The following ATP2A2 variants were observed in gnomAD, a reference collection of about 807,000 sequenced individuals.
ATP2A2 encodes ATPase sarcoplasmic/endoplasmic reticulum Ca2+ transporting 2, also known as sarcoplasmic/endoplasmic reticulum calcium ATPase 2.
A neutral mutation model predicts 109.3 loss-of-function variants in ATP2A2; 14 were observed. That is an observed-to-expected ratio of 0.13 (90% CI 0.08 to 0.20). The LOEUF (loss-of-function observed/expected upper bound fraction) is 0.20, where lower values mean the gene tolerates loss of function less well. ATP2A2 is among the 10% of genes least tolerant of loss of function. ATP2A2 has a pLI of 1.00. For synonymous variants in ATP2A2, 506 were observed against 490.9 expected, an observed-to-expected ratio of 1.03 and a Z score of -0.41; for missense variants, 657 against 1,321.6, an observed-to-expected ratio of 0.50 and a Z score of 7.80.
In ATP2A2 at chr12:110,345,283, A is replaced by C. The variant is rs1179789079; in HGVS notation, c.2642A>C (p.Asp881Ala). 2.5e-6 allele frequency: 4 copies of C among 1,614,034 alleles called. No homozygotes were observed. Among genetic ancestry groups the C allele is most frequent in the Non-Finnish European group, 3.4e-6 (4 of 1,180,032 alleles). Residue 881 changes from aspartate to alanine, a missense_variant, in exon 18 of 20, where the codon GAC becomes GCC. By Grantham distance (126) the Asp-to-Ala change is moderately radical. Coordinates refer to ENST00000539276, the MANE Select transcript of ATP2A2 (RefSeq NM_170665.4). ...CTACAGTGTAAAGAGGACAACCCGG[A>C]CTTTGAAGGCGTGGATTGTGCAATC... ...HFLQCKEDNP[D>A]FEGVDCAIFE... is the part of the protein sequence containing the mutation.
At chr12:110,280,693 G>T (rs1244263609), upstream of ATP2A2, 2 of 152,378 alleles carry the variant, frequency 1.3e-5, no homozygotes, top group African/African-American at 4.8e-5. Context: ...TGTTCCCGAG[G>T]CGACAGATGA....
intron 3 of ATP2A2, among the ~76,000 whole-genome samples, chr12:110,286,081 G>C (rs185575250): frequency 1.4e-4 from 21 of 152,020 alleles, no homozygotes; most frequent in African/African-American, 4.3e-4. Context: ...CCACCACCAC[G>C]CCCGGCTAAT....
chr12:110,326,238 G>T (rs1877790213), intron 6 of ATP2A2, 152 bp from the exon 7 acceptor site: 1 of 704,880 alleles, frequency 1.4e-6, no homozygotes, highest in East Asian at 2.7e-5. Context: ...AGTTTTCCCA[G>T]CTTACCTCCT....
At chr12:110,299,829 C>T (rs1013790918) in intron 5 of ATP2A2, among the ~76,000 whole-genome samples, 1 of 152,100 alleles carries the variant, frequency 6.6e-6, no homozygotes, top group Non-Finnish European at 1.5e-5. Context: ...TGCCATGTTG[C>T]TCAGGCTTGT....
chr12:110,350,183 G>A lies in ATP2A2; in HGVS notation c.*3713G>A. The A allele has an allele frequency of 6.2e-7, 1 of 1,607,458 alleles. No homozygotes were observed. Among genetic ancestry groups the A allele is most frequent in the Non-Finnish European group, 8.5e-7 (1 of 1,177,072 alleles). On this transcript the variant is annotated 3_prime_UTR_variant, in exon 20 of 20. Transcript: ENST00000539276. ...CTTGAAACCTTGAAAAGATCAAGCT[G>A]AATGTTCCTTTTCATCTGTCGCTGT...
At position 110,346,520 on chromosome 12, in the gene ATP2A2, T is replaced by C. The variant is rs562814571; in HGVS notation, c.*50T>C. 39 of 1,609,220 alleles carry C rather than the reference T, an allele frequency of 2.4e-5. No homozygotes were observed. The highest frequency in any genetic ancestry group is 3.2e-5 in the Non-Finnish European group (38 of 1,178,096). On this transcript the variant is annotated 3_prime_UTR_variant, in exon 20 of 20. Transcript: ENST00000539276. ...GTTTAACTTAATCAATTAATTTTTTTATTGTTTAAAGCAACTGTCTATTTC... is the reference window on the plus strand; with the variant it reads ...GTTTAACTTAATCAATTAATTTTTTCATTGTTTAAAGCAACTGTCTATTTC...
At chr12:110,345,972 G>A in intron 18 of ATP2A2, 29 bp from the exon 19 acceptor site, 1 of 1,609,302 alleles carries the variant, frequency 6.2e-7, no homozygotes, top group African/African-American at 1.3e-5. Context: ...CCTTGGGGGT[G>A]CGTTTCCCCA....
chr12:110,335,525 T>C (rs1878759060), intron 11 of ATP2A2, among the ~76,000 whole-genome samples: 1 of 152,148 alleles, frequency 6.6e-6, no homozygotes, highest in African/African-American at 2.4e-5. Flanking sequence ...AAAAAAAAAT[T>C]AAGGCCTGAA....
At chr12:110,296,874 C>A in intron 5 of ATP2A2, 137 bp downstream of exon 5, 1 of 1,020,688 alleles carries the variant, frequency 9.8e-7, no homozygotes, top group Non-Finnish European at 1.4e-6. Flanking sequence ...TCATACAAAT[C>A]CTACATTCTC....
At position 110,347,384 on chromosome 12, in the gene ATP2A2, T is replaced by C; in HGVS notation, c.*914T>C. ...TGGGACTAACAGACATGTCCAACTT[T>C]CTCTCCAGTTCTTAGCTCAGAACTT... On this transcript the variant is annotated 3_prime_UTR_variant, in exon 20 of 20. Coordinates refer to ENST00000539276, the MANE Select transcript of ATP2A2 (RefSeq NM_170665.4). 7.8e-7 allele frequency: 1 copy of C among 1,289,144 alleles called. No homozygotes were observed. Among genetic ancestry groups the C allele is most frequent in the African/African-American group, 1.5e-5 (1 of 65,950 alleles). 79.9% of individuals were successfully genotyped at this position (1,289,144 alleles called of 1,614,324 possible). A position where few individuals can be genotyped will look rare whatever the true frequency, so the allele number is the denominator to read the frequency against.
At chr12:110,323,199 C>G in intron 6 of ATP2A2, 127 bp downstream of exon 6, 1 of 803,538 alleles carries the variant, frequency 1.2e-6, no homozygotes, top group Non-Finnish European at 2.1e-6. Context: ...ATACTTATTT[C>G]TTAGTGCTTT....
Position 110,347,644 on chromosome 12 carries a change from T to C in ATP2A2, c.*1174T>C. 8.5e-7 allele frequency: 1 copy of C among 1,181,534 alleles called. No homozygotes were observed. The highest frequency in any genetic ancestry group is 5.9e-5 in the East Asian group (1 of 16,998). The allele number at this position is 1,181,534 out of a possible 1,614,324, so 73.2% of individuals were successfully genotyped here. On this transcript the variant is annotated 3_prime_UTR_variant, in exon 20 of 20. Transcript: ENST00000539276. ...ATGAACATATTGTATAGAACTATTT[T>C]TATTTGAATGTGGCACTAACCACCA...
chr12:110,287,685 G>C (rs1872803835), intron 3 of ATP2A2, among the ~76,000 whole-genome samples: 1 of 152,030 alleles, frequency 6.6e-6, no homozygotes, highest in African/African-American at 2.4e-5. Context: ...TGCGATCTTG[G>C]CTCACTGCAA....
chr12:110,331,826 T>A (rs997410298), intron 8 of ATP2A2: 5 of 152,230 alleles, frequency 3.3e-5, no homozygotes, highest in Non-Finnish European at 4.4e-5. Context: ...CAAGCCTAAA[T>A]CTTACTTTTC....
intron 5 of ATP2A2, among the ~76,000 whole-genome samples, chr12:110,305,204 G>T (rs550463602): frequency 4.1e-4 from 62 of 152,152 alleles, no homozygotes; most frequent in Non-Finnish European, 7.6e-4. Context: ...AAAGTGCTGC[G>T]ATTATAGGCA....
chr12:110,345,876 T>A, intron 18 of ATP2A2, 125 bp from the exon 19 acceptor site: 2 of 914,966 alleles, frequency 2.2e-6, no homozygotes, highest in Non-Finnish European at 3.6e-6. Context: ...AAAGTGGAGG[T>A]AGGTCAGCGG....
chr12:110,307,443 G>A (rs1875487757), intron 5 of ATP2A2, among the ~76,000 whole-genome samples: 2 of 151,310 alleles, frequency 1.3e-5, no homozygotes, highest in South Asian at 4.2e-4. Flanking sequence ...ATGTTGCCCT[G>A]GCTAGTAGTT....
At chr12:110,283,102 A>T (rs907088755) in intron 3 of ATP2A2, among the ~76,000 whole-genome samples, 6 of 152,196 alleles carry the variant, frequency 3.9e-5, no homozygotes, top group African/African-American at 1.4e-4. Flanking sequence ...GGAAGCCTTT[A>T]ATGTTTTGGG....
chr12:110,340,558 A>C lies in ATP2A2; in HGVS notation c.1762-101A>C. 7.4e-7 allele frequency: 1 copy of C among 1,355,474 alleles called. No individual in the cohort carries two copies. Among genetic ancestry groups the C allele is most frequent in the South Asian group, 1.3e-5 (1 of 78,738 alleles). 84.0% of individuals were successfully genotyped at this position (1,355,474 alleles called of 1,614,324 possible). On this transcript the variant is annotated intron_variant, in intron 13 of 19. Coordinates refer to ENST00000539276, the MANE Select transcript of ATP2A2 (RefSeq NM_170665.4). This position sits in a 1 kb window ranked among gnomAD's most constrained non-coding sequence, Gnocchi z 6.0. Reference sequence around the variant, plus strand: ...CGCCTCAAAAAAAAAAAAAGAAAAAAAATGCAGAAACCTGTCTCAATGTTT... The same window carrying C: ...CGCCTCAAAAAAAAAAAAAGAAAAACAATGCAGAAACCTGTCTCAATGTTT...
Sources: gnomAD v4.1 joint callset for allele counts (sites outside exome capture counted in the v4.1 genomes callset) on GRCh38, gnomAD v4.1.1 for gene constraint, Gnocchi (gnomAD v3.1) non-coding constraint, MANE v1.5 for transcripts, NCBI Gene and HGNC (gene_info 2026-07-23, HGNC 2026-07-21) for gene names.